TBC1D22A: variants seen among roughly 807,000 people sequenced by gnomAD.
The protein encoded by TBC1D22A is TBC1 domain family member 22A.
In TBC1D22A, 38 loss-of-function variants were observed where a neutral mutation model predicts 60.2. That is an observed-to-expected ratio of 0.63 (90% CI 0.49 to 0.83). The LOEUF is 0.83. Ranked by LOEUF, TBC1D22A falls within the 40% of genes least tolerant of loss-of-function variation. The probability of loss-of-function intolerance (pLI) is 0.00; values close to 1 mark genes in which losing one functional copy is unlikely to be tolerated. For synonymous variants in TBC1D22A, 302 were observed against 281.7 expected, an observed-to-expected ratio of 1.07 and a Z score of -0.72; for missense variants, 628 against 701.0, an observed-to-expected ratio of 0.90 and a Z score of 1.18.
chr22:47,003,674 TACACACATGCCTGTATACACACACCC>T (rs2061474819), intron 10 of TBC1D22A, among the ~76,000 whole-genome samples: 2 of 86,866 alleles, frequency 2.3e-5, no homozygotes, highest in Non-Finnish European at 2.0e-5. Flanking sequence ...CACACACCCC[TACACACATGCCTGTATACACACACCC>T]TACACACATG....
Position 46,972,547 on chromosome 22 carries a change from G to T in TBC1D22A, c.1016-1743G>T, listed in dbSNP as rs565767331. Among the ~76,000 whole-genome samples, 9 of 152,344 alleles carry T rather than the reference G, an allele frequency of 5.9e-5. No homozygotes were observed. In the South Asian group the frequency reaches 1.9e-3, roughly 32 times the overall value. Reference sequence around the variant, plus strand: ...AGTGAGAAGGAGCCAGTCACAGAGGGCCGCAGAGCCTGATTCCAGCAGTGT... The same window carrying T: ...AGTGAGAAGGAGCCAGTCACAGAGGTCCGCAGAGCCTGATTCCAGCAGTGT... On this transcript the variant is annotated intron_variant, in intron 8 of 12. Transcript: ENST00000337137.
At chr22:46,943,397 C>T (rs2072301580) in intron 8 of TBC1D22A, among the ~76,000 whole-genome samples, 1 of 152,160 alleles carries the variant, frequency 6.6e-6, no homozygotes, top group South Asian at 2.1e-4. Context: ...AATTTAAAAC[C>T]CAAGGCAGAC....
chr22:46,808,128 C>G (rs923985602), intron 4 of TBC1D22A, among the ~76,000 whole-genome samples: 1 of 152,100 alleles, frequency 6.6e-6, no homozygotes, highest in East Asian at 1.9e-4. Context: ...GAGGCCGAGG[C>G]GGGTGGATCA....
chr22:47,015,799 G>A (rs767631417), intron 10 of TBC1D22A, among the ~76,000 whole-genome samples: 3 of 152,120 alleles, frequency 2.0e-5, no homozygotes, highest in Admixed American at 1.3e-4. Context: ...GCAGCCTGGC[G>A]TCTGGAGCAT....
chr22:47,077,503 G>A (rs2064272573), intron 11 of TBC1D22A, among the ~76,000 whole-genome samples: 1 of 152,188 alleles, frequency 6.6e-6, no homozygotes. Flanking sequence ...GTTTCTTATT[G>A]CTTCGGTTCT....
chr22:46,801,177 A>T (rs1163130637), intron 4 of TBC1D22A, among the ~76,000 whole-genome samples: 1 of 152,250 alleles, frequency 6.6e-6, no homozygotes, highest in Admixed American at 6.5e-5. Context: ...CCAAAAAGCT[A>T]AATGCAGAGC....
intron 4 of TBC1D22A, among the ~76,000 whole-genome samples, chr22:46,853,148 C>T (rs754551997): frequency 1.6e-4 from 24 of 152,218 alleles, no homozygotes; most frequent in Non-Finnish European, 2.8e-4. Context: ...TGCTGAGCAT[C>T]CGTGTGTGTT....
Position 46,792,979 on chromosome 22 carries a change from TGTG to T in TBC1D22A, c.119+405_119+407del, listed in dbSNP as rs577998768. 3.9e-4 allele frequency among the ~76,000 whole-genome samples: 60 copies of T among 152,300 alleles called. 1 individual carries two copies. Among genetic ancestry groups the T allele is most frequent in the Admixed American group, 9.8e-4 (15 of 15,302 alleles). ...CTCCACAGCAGGCGGGAGCGCAGAG[TGTG>T]GGGCTTGTGCTGGGCTGTTGTGACC... On this transcript the variant is annotated intron_variant, in intron 2 of 12. Transcript: ENST00000337137.
At chr22:46,996,606 C>G (rs1427038464) in intron 9 of TBC1D22A, among the ~76,000 whole-genome samples, 1 of 152,234 alleles carries the variant, frequency 6.6e-6, no homozygotes, top group East Asian at 1.9e-4. Flanking sequence ...CTTCCACATT[C>G]ACTGCTGTTG....
intron 4 of TBC1D22A, among the ~76,000 whole-genome samples, chr22:46,812,348 C>T (rs2085414323): frequency 6.6e-6 from 1 of 152,156 alleles, no homozygotes; most frequent in Non-Finnish European, 1.5e-5. Flanking sequence ...GCACAGCAGG[C>T]ACAAGGATAA....
At chr22:47,119,630 G>T (rs977334571) in intron 12 of TBC1D22A, among the ~76,000 whole-genome samples, 1 of 152,090 alleles carries the variant, frequency 6.6e-6, no homozygotes, top group African/African-American at 2.4e-5. Context: ...CTGAGTAGCT[G>T]GGACTACAGG....
chr22:47,089,415 A>C (rs1303041087), intron 11 of TBC1D22A, among the ~76,000 whole-genome samples: 1 of 152,250 alleles, frequency 6.6e-6, no homozygotes, highest in Non-Finnish European at 1.5e-5. Context: ...TGATGGATGC[A>C]GGGCTGTCTT....
chr22:46,892,960 C>T (rs751995269), intron 6 of TBC1D22A, among the ~76,000 whole-genome samples: 4 of 152,248 alleles, frequency 2.6e-5, no homozygotes, highest in African/African-American at 4.8e-5. Flanking sequence ...AGAACTGCGC[C>T]TTCTGCGTTC....
At chr22:46,961,486 C>T (rs895540715) in intron 8 of TBC1D22A, among the ~76,000 whole-genome samples, 1 of 152,200 alleles carries the variant, frequency 6.6e-6, no homozygotes, top group Non-Finnish European at 1.5e-5. Flanking sequence ...ATCCTTAGAG[C>T]TTGTATCCAC....
intron 11 of TBC1D22A, among the ~76,000 whole-genome samples, chr22:47,066,993 C>T (rs5767472): frequency 0.47 from 71,735 of 152,000 alleles, 17,621 homozygotes; most frequent in East Asian, 0.59. Context: ...TGGCCAGGCG[C>T]GGTGGCTCAC....
chr22:46,901,365 G>C (rs2068983236), intron 7 of TBC1D22A, among the ~76,000 whole-genome samples: 1 of 152,214 alleles, frequency 6.6e-6, no homozygotes, highest in African/African-American at 2.4e-5. Context: ...TAATAGTGAT[G>C]TGATCCTTGG....
At chr22:47,021,376 C>T (rs1223648304) in intron 10 of TBC1D22A, among the ~76,000 whole-genome samples, 2 of 150,146 alleles carry the variant, frequency 1.3e-5, no homozygotes, top group African/African-American at 4.9e-5. Context: ...TATCCTGGAG[C>T]CCTGAGCAGG....
At chr22:46,904,324 G>A (rs1320503533) in intron 7 of TBC1D22A, among the ~76,000 whole-genome samples, 1 of 123,254 alleles carries the variant, frequency 8.1e-6, no homozygotes, top group East Asian at 3.3e-4. Flanking sequence ...CTTATAACAG[G>A]CTTTCAGTGA....
At chr22:47,100,486 C>T (rs978762379) in intron 11 of TBC1D22A, among the ~76,000 whole-genome samples, 1 of 152,086 alleles carries the variant, frequency 6.6e-6, no homozygotes, top group Non-Finnish European at 1.5e-5. Flanking sequence ...TGTGTCCCCA[C>T]CCAAATCTCA....
Sources: allele counts gnomAD v4.1 joint callset (sites outside exome capture counted in the v4.1 genomes callset), GRCh38; gene constraint gnomAD v4.1.1; transcripts MANE v1.5; gene names NCBI Gene and HGNC (gene_info 2026-07-23, HGNC 2026-07-21).